Variants in SLC12A5 observed in about 807,000 individuals in gnomAD.
SLC12A5 encodes the protein K-Cl cotransporter 2.
In SLC12A5, 18 loss-of-function variants were observed where a neutral mutation model predicts 124.0. The ratio of observed to expected loss-of-function variants is 0.15; its 90% CI spans 0.10 to 0.22. The LOEUF is 0.22. Ranked by LOEUF, SLC12A5 falls within the 10% of genes least tolerant of loss-of-function variation. SLC12A5 has a pLI of 1.00. For missense variants in SLC12A5, 867 were observed against 1,478.7 expected (o/e 0.59, Z 6.78); for synonymous variants, 589 against 568.0 (o/e 1.04, Z -0.53).
At chr20:46,030,119 T>A (rs1045462114) in intron 1 of SLC12A5, among the ~76,000 whole-genome samples, 2 of 151,910 alleles carry the variant, frequency 1.3e-5, no homozygotes, top group South Asian at 4.2e-4. Flanking sequence ...AATCTCTCTC[T>A]CGCTTTCCCG....
rs895947695 is a variant in SLC12A5 at position 46,057,462 on chromosome 20, A to G, written c.3260-52A>G. 5 of 1,608,442 alleles carry G rather than the reference A, an allele frequency of 3.1e-6. No homozygotes were observed. The highest frequency in any genetic ancestry group is 2.6e-6 in the Non-Finnish European group (3 of 1,175,060). ...TCCCCTGGCAGCCGAGCGCGACCCC[A>G]ATTTCGTCGGGAGGGAAGGAGACCG... On this transcript the variant is annotated intron_variant, in intron 25 of 25. Transcript: ENST00000243964. This position sits in a 1 kb window ranked among gnomAD's most constrained non-coding sequence, Gnocchi z 7.1.
At position 46,058,470 on chromosome 20, in the gene SLC12A5, T is replaced by C; in HGVS notation, c.*865T>C. Reference sequence around the variant, plus strand: ...CCTCCCAGCGGACGTGAGCTTCCACTGCGGCTGCAGAGACGCGAGCAACCT... The same window carrying C: ...CCTCCCAGCGGACGTGAGCTTCCACCGCGGCTGCAGAGACGCGAGCAACCT... On this transcript the variant is annotated 3_prime_UTR_variant, in exon 26 of 26. Transcript: ENST00000243964. The surrounding 1 kb of genome is among the most constrained non-coding windows in gnomAD (Gnocchi z 5.8). 1.3e-5 allele frequency: 5 copies of C among 399,198 alleles called. No homozygotes were observed. Among genetic ancestry groups the C allele is most frequent in the Non-Finnish European group, 2.2e-5 (5 of 226,206 alleles). 24.7% of individuals were successfully genotyped at this position (399,198 alleles called of 1,614,324 possible).
At position 46,045,211 on chromosome 20, in the gene SLC12A5, G is replaced by T; in HGVS notation, c.1569+71G>T. 1 of 1,490,310 alleles carries T rather than the reference G, an allele frequency of 6.7e-7. No individual in the cohort carries two copies. Among genetic ancestry groups the T allele is most frequent in the South Asian group, 1.3e-5 (1 of 75,274 alleles). The allele number at this position is 1,490,310 out of a possible 1,614,324, so 92.3% of individuals were successfully genotyped here. ...CCCCTGCCCAGAGAGACCACACAGT[G>T]ACCCAGGGCCATAACCAGCCTTAGA... On this transcript the variant is annotated intron_variant, in intron 12 of 25. Transcript: ENST00000243964. This position sits in a 1 kb window ranked among gnomAD's most constrained non-coding sequence, Gnocchi z 4.9.
chr20:46,053,477 A>C lies in SLC12A5; in HGVS notation c.2548-101A>C, dbSNP rs2084663732. 2 of 1,490,936 alleles carry C rather than the reference A, an allele frequency of 1.3e-6. No individual in the cohort carries two copies. The highest frequency in any genetic ancestry group is 3.5e-5 in the Admixed American group (2 of 57,354). The allele number at this position is 1,490,936 out of a possible 1,614,324, so 92.4% of individuals were successfully genotyped here. A position where few individuals can be genotyped will look rare whatever the true frequency, so the allele number is the denominator to read the frequency against. ...TTGGGGTCTGCATGTATGTGTGAGG[A>C]GTGGGTGGGAAGAGGGGAAGGGTGA... On this transcript the variant is annotated intron_variant, in intron 19 of 25. Coordinates refer to ENST00000243964, the MANE Select transcript of SLC12A5 (RefSeq NM_020708.5). This position sits in a 1 kb window ranked among gnomAD's most constrained non-coding sequence, Gnocchi z 4.7.
At position 46,029,296 on chromosome 20, in the gene SLC12A5, G is replaced by C; in HGVS notation, c.-49G>C. On this transcript the variant is annotated 5_prime_UTR_variant, in exon 1 of 26. Transcript: ENST00000243964. ...GAGCGGCGAAGGCGGGTAGAGGGGC[G>C]CGGGCGAGGCGGCGCAGCCATCCCC... is the stretch of plus-strand genomic sequence containing the variant. 6.6e-7 allele frequency: 1 copy of C among 1,511,512 alleles called. No individual in the cohort carries two copies. The allele number at this position is 1,511,512 out of a possible 1,614,324, so 93.6% of individuals were successfully genotyped here.
In SLC12A5 at chr20:46,059,628, G is replaced by A. The variant is rs2084733895; in HGVS notation, c.*2023G>A. 2.5e-6 allele frequency: 1 copy of A among 399,048 alleles called. No individual in the cohort carries two copies. The highest frequency in any genetic ancestry group is 4.4e-6 in the Non-Finnish European group (1 of 226,070). 24.7% of individuals were successfully genotyped at this position (399,048 alleles called of 1,614,324 possible). A position where few individuals can be genotyped will look rare whatever the true frequency, so the allele number is the denominator to read the frequency against. Reference sequence around the variant, plus strand: ...TCTGGTTGGCAAGAGCAAAGTTTCCGTTGATGAAACAGACATCCCACAACA... The same window carrying A: ...TCTGGTTGGCAAGAGCAAAGTTTCCATTGATGAAACAGACATCCCACAACA... On this transcript the variant is annotated 3_prime_UTR_variant, in exon 26 of 26. Transcript: ENST00000243964.
intron 1 of SLC12A5, chr20:46,021,923 G>C: frequency 6.7e-7 from 1 of 1,482,512 alleles, no homozygotes; most frequent in Non-Finnish European, 8.9e-7. Flanking sequence ...CCAGGGCCGG[G>C]CGGGACGAGG....
At chr20:46,050,157 T>C (rs2145500181) in intron 17 of SLC12A5, among the ~76,000 whole-genome samples, 1 of 152,378 alleles carries the variant, frequency 6.6e-6, no homozygotes, top group East Asian at 1.9e-4. Context: ...AGCTGTGGAC[T>C]CTTGATCCCT....
Position 46,023,058 on chromosome 20 carries a change from CTGCCGAGCCG to C in SLC12A5, c.178_187del (p.Leu60ProfsTer15). The C allele has an allele frequency of 2.5e-6, 1 of 401,208 alleles. No individual in the cohort carries two copies. The highest frequency in any genetic ancestry group is 4.4e-6 in the Non-Finnish European group (1 of 228,412). The allele number at this position is 401,208 out of a possible 1,614,324, so 24.9% of individuals were successfully genotyped here. Reference sequence around the variant, plus strand: ...AGCCTCCCCAGACCGCCAGGGGTCGCTGCCGAGCCGCAGGTGAGCTCGCCCCGAAGCAAAC... The same window carrying C: ...AGCCTCCCCAGACCGCCAGGGGTCGCCAGGTGAGCTCGCCCCGAAGCAAAC... On this transcript the variant is annotated frameshift_variant, in exon 2 of 3. Transcript: ENST00000413737. LOFTEE classifies it high-confidence loss of function.
intron 4 of SLC12A5, 183 bp from the exon 5 acceptor site, chr20:46,036,558 G>A (rs1399481981): frequency 1.8e-6 from 1 of 554,548 alleles, no homozygotes; most frequent in African/African-American, 1.9e-5. Flanking sequence ...TTCGCATGGT[G>A]AATAAGGTTT....
chr20:46,043,389 G>A, intron 9 of SLC12A5, 66 bp downstream of exon 9: 1 of 1,557,472 alleles, frequency 6.4e-7, no homozygotes. Context: ...AGTCGATGAT[G>A]ATGTTGGGAA....
At position 46,060,091 on chromosome 20, in the gene SLC12A5, G is replaced by A. The variant is rs2664528; in HGVS notation, c.*2486G>A. 0.99 allele frequency: 152,931 copies of A among 154,180 alleles called. 75,866 individuals are homozygous for A. The highest frequency in any genetic ancestry group is 1 in the East Asian group (5,242 of 5,242). 9.6% of individuals were successfully genotyped at this position (154,180 alleles called of 1,614,324 possible). ...TTTAATGCTTTATGGCTTTTACTGT[G>A]TTACTTTTTTAGACTCCCGTCTGCA... On this transcript the variant is annotated 3_prime_UTR_variant, in exon 26 of 26. Transcript: ENST00000243964.
intron 5 of SLC12A5, 70 bp downstream of exon 5, chr20:46,036,865 G>T: frequency 6.4e-7 from 1 of 1,574,200 alleles, no homozygotes; most frequent in Non-Finnish European, 8.7e-7. Context: ...CTGGGCTTTG[G>T]GGGACATCAA....
At chr20:46,048,333 A>G (rs1020686578) in intron 16 of SLC12A5, among the ~76,000 whole-genome samples, 3 of 152,152 alleles carry the variant, frequency 2.0e-5, no homozygotes, top group Admixed American at 2.0e-4. Context: ...GCAGTCATCC[A>G]TTCATTCATT....
chr20:46,056,460 G>A lies in SLC12A5; in HGVS notation c.3006G>A (p.Glu1002=). The A allele has an allele frequency of 1.2e-6, 2 of 1,614,194 alleles. No homozygotes were observed. Among genetic ancestry groups the A allele is most frequent in the Non-Finnish European group, 1.7e-6 (2 of 1,180,010 alleles). ...AGGGGGAAGGGGAGACAGATCCGGAGAAGGTGCATCTCACCTGGACCAAGG... is the reference window on the plus strand; with the variant it reads ...AGGGGGAAGGGGAGACAGATCCGGAAAAGGTGCATCTCACCTGGACCAAGG... ...EPEGEGETDP[E]KVHLTWTKDK... is the part of the protein sequence containing the mutation. Residue 1002 remains glutamate, a synonymous_variant, in exon 23 of 26, where the codon GAG becomes GAA. Coordinates refer to ENST00000243964, the MANE Select transcript of SLC12A5 (RefSeq NM_020708.5). The surrounding 1 kb of genome is among the most constrained non-coding windows in gnomAD (Gnocchi z 4.3).
At chr20:46,026,516 A>G (rs1455543007), upstream of SLC12A5, among the ~76,000 whole-genome samples, 1 of 152,214 alleles carries the variant, frequency 6.6e-6, no homozygotes, top group East Asian at 1.9e-4. Flanking sequence ...AATAGGGCAC[A>G]GTCTTCCTGA....
chr20:46,047,267 T>C (rs1036914935), intron 14 of SLC12A5, among the ~76,000 whole-genome samples, 187 bp from the exon 15 acceptor site: 4 of 152,192 alleles, frequency 2.6e-5, no homozygotes, highest in African/African-American at 9.7e-5. Context: ...CTGTGGCTTC[T>C]CTTTCACCCA....
intron 6 of SLC12A5, among the ~76,000 whole-genome samples, chr20:46,039,131 G>A (rs73112815): frequency 0.048 from 7,231 of 152,172 alleles, 209 homozygotes; most frequent in Middle Eastern, 0.054. Flanking sequence ...ATTGTATTCT[G>A]TCTATGTAAA....
At chr20:46,049,557 G>A in intron 16 of SLC12A5, 65 bp from the exon 17 acceptor site, 2 of 1,542,924 alleles carry the variant, frequency 1.3e-6, no homozygotes, top group Non-Finnish European at 1.8e-6. Flanking sequence ...CCTGGTGGTG[G>A]GTGTATGGTG....
Sources: allele counts gnomAD v4.1 joint callset (sites outside exome capture counted in the v4.1 genomes callset), GRCh38; gene constraint gnomAD v4.1.1; non-coding constraint Gnocchi (gnomAD v3.1); transcripts MANE v1.5; gene names NCBI Gene and HGNC (gene_info 2026-07-23, HGNC 2026-07-21).